The following GCM1 variants were observed in gnomAD, a reference collection of about 807,000 sequenced individuals.
GCM1 encodes GCM transcription factor 1.
A neutral mutation model predicts 25.7 loss-of-function variants in GCM1; 2 were observed. The ratio of observed to expected loss-of-function variants is 0.08; its 90% CI spans 0.03 to 0.24. The LOEUF (loss-of-function observed/expected upper bound fraction) is 0.24, where lower values mean the gene tolerates loss of function less well. Among genes scored for constraint, GCM1 ranks in the 10% least tolerant of loss-of-function variants. GCM1 has a pLI of 1.00. For missense variants in GCM1, 395 were observed against 538.7 expected, an observed-to-expected ratio of 0.73 and a Z score of 2.64; for synonymous variants, 183 against 195.7, an observed-to-expected ratio of 0.94 and a Z score of 0.54.
In GCM1 at chr6:53,128,840, G is replaced by A; in HGVS notation, c.677C>T (p.Thr226Ile). 1.1e-5 allele frequency: 17 copies of A among 1,613,264 alleles called. No homozygotes were observed. The highest frequency in any genetic ancestry group is 1.4e-5 in the Non-Finnish European group (16 of 1,179,196). The part of the protein sequence containing the change: ...GSYSGHLIAN[T>I]PQQNSLNDCF... Reference sequence around the variant, plus strand: ...ATCATTTAGTGAGTTCTGCTGAGGAGTGTTAGCTATTAAATGTCCACTGTA... The same window carrying A: ...ATCATTTAGTGAGTTCTGCTGAGGAATGTTAGCTATTAAATGTCCACTGTA... Residue 226 changes from threonine (T) to isoleucine (I), a missense_variant, in exon 6 of 6, where the codon ACT (threonine) becomes ATT (isoleucine). Around this residue, in one of 5 missense-constraint regions of GCM1, gnomAD observed 291 missense variants for 314.6 expected, o/e 0.92. Transcript: ENST00000259803.
At chr6:53,139,655 C>G (rs951291991) in intron 2 of GCM1, among the ~76,000 whole-genome samples, 5 of 152,000 alleles carry the variant, frequency 3.3e-5, no homozygotes, top group African/African-American at 1.2e-4. Context: ...ATCACGAGGT[C>G]AGGAGATCAA....
At position 53,128,181 on chromosome 6, in the gene GCM1, G is replaced by T; in HGVS notation, c.*25C>A. ...GCCCTTCCCCATTTTTGAGGGGCTG[G>T]GGTGCACATAGTGAAAGATTTGGGT... On this transcript the variant is annotated 3_prime_UTR_variant, in exon 6 of 6. Coordinates refer to ENST00000259803, the MANE Select transcript of GCM1 (RefSeq NM_003643.4). 4 of 1,581,658 alleles carry T rather than the reference G, an allele frequency of 2.5e-6. No individual in the cohort carries two copies. In the South Asian group the frequency reaches 4.5e-5, roughly 18 times the overall value.
At position 53,134,265 on chromosome 6, in the gene GCM1, G is replaced by A; in HGVS notation, c.135C>T (p.Tyr45=). The A allele has an allele frequency of 4.3e-6, 7 of 1,614,150 alleles. No individual in the cohort carries two copies. Among genetic ancestry groups the A allele is most frequent in the Middle Eastern group, 1.6e-4 (1 of 6,062 alleles). The part of the protein sequence containing the change: ...EWPDSYAKHI[Y]SSEDKNAQRH... ...GCTGCGCATTCTTGTCCTCCGAGCT[G>A]TAGATGTGTTTGGCATAGGAATCTG... The change falls in exon 3 of 6, where the codon TAC becomes TAT. Residue 45 remains tyrosine, a synonymous_variant. Transcript: ENST00000259803.
intron 1 of GCM1, among the ~76,000 whole-genome samples, chr6:53,146,216 A>ATT (rs70980806): frequency 1.3e-4 from 13 of 101,386 alleles, no homozygotes; most frequent in African/African-American, 3.5e-4. Context: ...ATATATATAT[A>ATT]TTTTTTTTTT....
rs116345313 is a variant in GCM1, at chr6:53,135,522, G to A, written c.76-1198C>T. Among the ~76,000 whole-genome samples the A allele has an allele frequency of 8.8e-3, 1,333 of 152,282 alleles. 23 individuals are homozygous for A. Among genetic ancestry groups the A allele is most frequent in the African/African-American group, 0.031 (1,283 of 41,532 alleles). On this transcript the variant is annotated intron_variant, in intron 2 of 5. Coordinates refer to ENST00000259803, the MANE Select transcript of GCM1 (RefSeq NM_003643.4). Reference sequence around the variant, plus strand: ...CTCTAAATAATTGTTAGTCACTGATGCTGTGGCTCATATTCCTAGGCCCTA... The same window carrying A: ...CTCTAAATAATTGTTAGTCACTGATACTGTGGCTCATATTCCTAGGCCCTA...
chr6:53,135,101 T>C (rs1420775446), intron 2 of GCM1, among the ~76,000 whole-genome samples: 1 of 152,248 alleles, frequency 6.6e-6, no homozygotes, highest in Non-Finnish European at 1.5e-5. Flanking sequence ...CGCTATGCCC[T>C]GTGTATGAAC....
rs147283338 is a variant in GCM1, at chr6:53,128,411, T to G, written c.1106A>C (p.His369Pro). The G allele has an allele frequency of 1.2e-6, 2 of 1,613,890 alleles. No individual in the cohort carries two copies. The highest frequency in any genetic ancestry group is 1.1e-5 in the South Asian group (1 of 91,082). The stretch of plus-strand genomic sequence containing the variant: ...CTGGACGTAGCTGTTAAAATCCACA[T>G]GTACTTTCTCTTCATAAAGATTACC... The part of the protein sequence containing the change: ...PAGNLYEEKV[H>P]VDFNSYVQSP... The change falls in exon 6 of 6, where the codon CAT becomes CCT. Residue 369 changes from histidine to proline, a missense_variant. Physicochemically the swap from His to Pro is moderately conservative, Grantham distance 77. Around this residue, in one of 5 missense-constraint regions of GCM1, gnomAD observed 291 missense variants for 314.6 expected, o/e 0.92. Coordinates refer to ENST00000259803, the MANE Select transcript of GCM1 (RefSeq NM_003643.4).
At chr6:53,132,167 G>T in intron 3 of GCM1, 48 bp from the exon 4 acceptor site, 1 of 1,155,056 alleles carries the variant, frequency 8.7e-7, no homozygotes, top group Non-Finnish European at 1.3e-6. Flanking sequence ...AACCATGTCG[G>T]TTGTTGACTC....
intron 2 of GCM1, among the ~76,000 whole-genome samples, chr6:53,143,950 C>G (rs897775107): frequency 6.6e-6 from 1 of 152,126 alleles, no homozygotes; most frequent in African/African-American, 2.4e-5. Flanking sequence ...ATTCCCTCTC[C>G]CCTGCTTCTG....
Position 53,132,031 on chromosome 6 carries a change from G to C in GCM1, c.417C>G (p.His139Gln), listed in dbSNP as rs779580868. The C allele has an allele frequency of 3.7e-6, 6 of 1,608,642 alleles. No homozygotes were observed. In the South Asian group the frequency reaches 6.6e-5, roughly 18 times the overall value. The stretch of plus-strand genomic sequence containing the variant: ...CCTGGAAAAATATAAAGCGTCCGTC[G>C]TGCCTCCAGAAGTTGGTGACCGGGA... ...GGFPVTNFWR[H>Q]DGRFIFFQSK... The change falls in exon 4 of 6, where the codon CAC (histidine) becomes CAG (glutamine). Residue 139 changes from histidine (H) to glutamine (Q), a missense_variant. By Grantham distance (24) the His-to-Gln change is conservative (BLOSUM62 0). Coordinates refer to ENST00000259803, the MANE Select transcript of GCM1 (RefSeq NM_003643.4).
chr6:53,131,637 C>T (rs562657383), intron 4 of GCM1, among the ~76,000 whole-genome samples: 53 of 152,220 alleles, frequency 3.5e-4, no homozygotes, highest in South Asian at 3.1e-3. Context: ...AAAACTGGGA[C>T]GTGGAAGAGG....
chr6:53,145,542 T>A lies in GCM1; in HGVS notation c.75+16A>T, dbSNP rs751835986. On this transcript the variant is annotated intron_variant, in intron 2 of 5. Transcript: ENST00000259803. The stretch of plus-strand genomic sequence containing the variant: ...CAGCCCAATGTTGAAGGCAGATTTT[T>A]ATAGCAAGTACATACCTGTGGCAGT... 2.5e-5 allele frequency: 33 copies of A among 1,343,470 alleles called. No individual in the cohort carries two copies. Among genetic ancestry groups the A allele is most frequent in the Non-Finnish European group, 3.5e-5 (33 of 933,316 alleles). The allele number at this position is 1,343,470 out of a possible 1,614,324, so 83.2% of individuals were successfully genotyped here.
At chr6:53,147,633 T>C (rs9474409) in intron 1 of GCM1, among the ~76,000 whole-genome samples, 16,931 of 151,848 alleles carry the variant, frequency 0.11, 2,145 homozygotes, top group African/African-American at 0.31. Context: ...TTCACCATGT[T>C]GACCAGGCCG....
intron 2 of GCM1, among the ~76,000 whole-genome samples, chr6:53,140,983 G>A (rs1763863477): frequency 6.6e-6 from 1 of 152,088 alleles, no homozygotes; most frequent in Non-Finnish European, 1.5e-5. Context: ...TACAAATAAT[G>A]ACATAAATAA....
chr6:53,138,006 G>T (rs1763823046), intron 2 of GCM1, among the ~76,000 whole-genome samples: 1 of 152,006 alleles, frequency 6.6e-6, no homozygotes, highest in Admixed American at 6.6e-5. Context: ...TAATGGCCAG[G>T]TGCAGTGGCT....
chr6:53,130,839 G>C lies in GCM1; in HGVS notation c.534C>G (p.Ser178=), dbSNP rs1021595884. The change falls in exon 5 of 6, where the codon TCC becomes TCG. Residue 178 remains serine (S), a synonymous_variant. Transcript: ENST00000259803. ...TGCTCCCCTTCAGGCTCAATGAGACGGAGGAAGGTGCTGTGTTCACTTTCT... is the reference window on the plus strand; with the variant it reads ...TGCTCCCCTTCAGGCTCAATGAGACCGAGGAAGGTGCTGTGTTCACTTTCT... ...AMKKVNTAPS[S]VSLSLKGSTE... 25 of 1,613,686 alleles carry C rather than the reference G, an allele frequency of 1.5e-5. No individual in the cohort carries two copies. The highest frequency in any genetic ancestry group is 1.1e-4 in the East Asian group (5 of 44,872).
chr6:53,131,161 T>C (rs1380022506), intron 4 of GCM1, among the ~76,000 whole-genome samples: 1 of 152,212 alleles, frequency 6.6e-6, no homozygotes, highest in East Asian at 1.9e-4. Context: ...AAGTAACACT[T>C]ACTAAATGCT....
intron 2 of GCM1, among the ~76,000 whole-genome samples, chr6:53,139,134 A>G (rs1259665357): frequency 6.6e-6 from 1 of 152,160 alleles, no homozygotes; most frequent in African/African-American, 2.4e-5. Flanking sequence ...ATTACTTATA[A>G]ATAAATATTT....
chr6:53,131,854 A>G (rs1269325156), intron 4 of GCM1, 153 bp downstream of exon 4: 9 of 634,986 alleles, frequency 1.4e-5, no homozygotes, highest in Middle Eastern at 5.2e-4. Flanking sequence ...CCAGCACTTC[A>G]AACATCTATT....
Sources: gnomAD v4.1 joint callset for allele counts (sites outside exome capture counted in the v4.1 genomes callset) on GRCh38, gnomAD v4.1.1 for gene constraint, gnomAD v4.1.1 regional missense constraint, MANE v1.5 for transcripts, NCBI Gene and HGNC (gene_info 2026-07-23, HGNC 2026-07-21) for gene names.